Variants in RB1 observed in about 807,000 individuals in gnomAD.
RB1 encodes the protein retinoblastoma-associated protein.
A neutral mutation model predicts 135.4 loss-of-function variants in RB1; 18 were observed. That is an observed-to-expected ratio of 0.13 (90% CI 0.09 to 0.20). The LOEUF (loss-of-function observed/expected upper bound fraction) is 0.20. Ranked by LOEUF, RB1 falls within the 10% of genes least tolerant of loss-of-function variation. The probability of loss-of-function intolerance (pLI) is 1.00; values close to 1 mark genes in which losing one functional copy is unlikely to be tolerated. For synonymous variants in RB1, 365 were observed against 373.2 expected (o/e 0.98, Z 0.25); for missense variants, 868 against 1,110.0 (o/e 0.78, Z 3.10).
chr13:48,392,261 C>T (rs1346112675), intron 17 of RB1, among the ~76,000 whole-genome samples: 1 of 152,078 alleles, frequency 6.6e-6, no homozygotes, highest in Non-Finnish European at 1.5e-5. Flanking sequence ...AAGGCACATG[C>T]CACCATGCCC....
At chr13:48,308,530 G>A (rs576525457) in intron 2 of RB1, among the ~76,000 whole-genome samples, 1 of 151,536 alleles carries the variant, frequency 6.6e-6, no homozygotes, top group South Asian at 2.1e-4. Flanking sequence ...GCAGATGCCT[G>A]TAATCTCAGC....
chr13:48,399,594 C>T (rs1389496744), intron 17 of RB1, among the ~76,000 whole-genome samples: 1 of 151,860 alleles, frequency 6.6e-6, no homozygotes, highest in Non-Finnish European at 1.5e-5. Flanking sequence ...ATTAATAAGG[C>T]ATTAAATGGG....
intron 3 of RB1, among the ~76,000 whole-genome samples, chr13:48,343,178 C>T (rs1043480282): frequency 2.0e-5 from 3 of 152,020 alleles, no homozygotes; most frequent in East Asian, 1.9e-4. Flanking sequence ...TGCTACAATA[C>T]TTGAACCAGT....
At chr13:48,424,473 A>G (rs1949051552) in intron 17 of RB1, among the ~76,000 whole-genome samples, 1 of 152,238 alleles carries the variant, frequency 6.6e-6, no homozygotes, top group Admixed American at 6.5e-5. Flanking sequence ...GATGGGAATG[A>G]TGGTTGAAGC....
intron 17 of RB1, chr13:48,417,407 G>C (rs1948930507): frequency 6.6e-6 from 1 of 152,158 alleles, no homozygotes; most frequent in South Asian, 2.1e-4. Context: ...CTTCCACACA[G>C]AAACCCCATT....
chr13:48,412,378 T>C, intron 17 of RB1: 1 of 1,614,030 alleles, frequency 6.2e-7, no homozygotes, highest in Non-Finnish European at 8.5e-7. Flanking sequence ...AAAGTGTACT[T>C]AAAGGAGTCA....
intron 12 of RB1, 34 bp downstream of exon 12, chr13:48,373,526 A>C: frequency 7.4e-7 from 1 of 1,357,060 alleles, no homozygotes. Flanking sequence ...TTATTGTAAT[A>C]TCTTGGCAAA....
intron 1 of RB1, among the ~76,000 whole-genome samples, chr13:48,304,619 C>A (rs561867888): frequency 6.6e-6 from 1 of 152,024 alleles, no homozygotes; most frequent in South Asian, 2.1e-4. Context: ...AGCTTTGCGG[C>A]GTTTCCTTAG....
rs111816586 is a variant in RB1, at chr13:48,415,649, T to G, written c.1695+34206T>G. The G allele has an allele frequency of 8.5e-5, 13 of 152,288 alleles. 2 individuals carry two copies. The highest frequency in any genetic ancestry group is 3.1e-4 in the African/African-American group (13 of 41,574). 9.4% of individuals were successfully genotyped at this position (152,288 alleles called of 1,614,324 possible). ...ATGGATAGATCACTATTTGTTGAAT[T>G]AGGCTTTTCATTATTATCAGTATCA... On this transcript the variant is annotated intron_variant, in intron 17 of 26. Coordinates refer to ENST00000267163, the MANE Select transcript of RB1 (RefSeq NM_000321.3).
intron 17 of RB1, among the ~76,000 whole-genome samples, chr13:48,427,154 A>G (rs935826133): frequency 6.6e-5 from 10 of 151,808 alleles, no homozygotes; most frequent in African/African-American, 2.2e-4. Context: ...ATTGGGGAGC[A>G]CACTTCAACA....
intron 13 of RB1, among the ~76,000 whole-genome samples, chr13:48,378,376 T>C (rs969143013): frequency 6.6e-6 from 1 of 152,138 alleles, no homozygotes; most frequent in Non-Finnish European, 1.5e-5. Flanking sequence ...TTCATAAAGA[T>C]TTTTGCCAAA....
intron 2 of RB1, among the ~76,000 whole-genome samples, chr13:48,311,769 G>A (rs994158281): frequency 3.3e-5 from 5 of 152,110 alleles, no homozygotes; most frequent in South Asian, 2.1e-4. Context: ...TGCGTGGCAC[G>A]ATCTCGGCTC....
In RB1 at chr13:48,373,352, C is replaced by A; in HGVS notation, c.1128-53C>A. ...GGAGATGGAAAACATTTCATTTTTT[C>A]TTTTTTTCTCCCTTCATTGCTTAAC... On this transcript the variant is annotated intron_variant, in intron 11 of 26. Transcript: ENST00000267163. The A allele has an allele frequency of 7.3e-6, 8 of 1,094,122 alleles. No individual in the cohort carries two copies. In the South Asian group the frequency reaches 9.2e-5, roughly 13 times the overall value. 67.8% of individuals were successfully genotyped at this position (1,094,122 alleles called of 1,614,324 possible). A position where few individuals can be genotyped will look rare whatever the true frequency, so the allele number is the denominator to read the frequency against.
chr13:48,447,575 A>G (rs1266988077), intron 17 of RB1, among the ~76,000 whole-genome samples: 1 of 152,168 alleles, frequency 6.6e-6, no homozygotes, highest in Non-Finnish European at 1.5e-5. Context: ...AATTCTTAAC[A>G]TTATTAATTC....
intron 17 of RB1, among the ~76,000 whole-genome samples, chr13:48,417,713 C>T (rs1593493931): frequency 6.6e-6 from 1 of 152,194 alleles, no homozygotes; most frequent in East Asian, 1.9e-4. Context: ...AGCTGAAAAA[C>T]ACAGCACAAG....
At chr13:48,454,671 G>T (rs530204181) in intron 18 of RB1, among the ~76,000 whole-genome samples, 3 of 152,294 alleles carry the variant, frequency 2.0e-5, no homozygotes, top group Admixed American at 2.0e-4. Context: ...AGAGAGAAAC[G>T]GAGAGGCTGA....
intron 6 of RB1, among the ~76,000 whole-genome samples, chr13:48,355,837 A>G (rs34082020): frequency 6.6e-6 from 1 of 152,064 alleles, no homozygotes; most frequent in African/African-American, 2.4e-5. Flanking sequence ...CAAACATCAC[A>G]TACTCTCATT....
Position 48,319,219 on chromosome 13 carries a change from TG to T in RB1, c.264+11816del. 1 of 781,474 alleles carries T rather than the reference TG, an allele frequency of 1.3e-6. No individual in the cohort carries two copies. The highest frequency in any genetic ancestry group is 1.9e-6 in the Non-Finnish European group (1 of 514,866). The allele number at this position is 781,474 out of a possible 1,614,324, so 48.4% of individuals were successfully genotyped here. ...TTGGTGGCCACTGGCTTCCTCTAGCTGGGTGTTTTCCTGTGGGTCTCGCGCA... is the reference window on the plus strand; with the variant it reads ...TTGGTGGCCACTGGCTTCCTCTAGCTGGTGTTTTCCTGTGGGTCTCGCGCA... On this transcript the variant is annotated intron_variant, in intron 2 of 26. Transcript: ENST00000267163. The surrounding 1 kb of genome is among the most constrained non-coding windows in gnomAD (Gnocchi z 5.0).
At chr13:48,355,072 C>T (rs1283458081) in intron 6 of RB1, among the ~76,000 whole-genome samples, 1 of 151,796 alleles carries the variant, frequency 6.6e-6, no homozygotes, top group Non-Finnish European at 1.5e-5. Flanking sequence ...TAAACGAGAT[C>T]ATATCAAGTT....
Sources: allele counts gnomAD v4.1 joint callset (sites outside exome capture counted in the v4.1 genomes callset), GRCh38; gene constraint gnomAD v4.1.1; non-coding constraint Gnocchi (gnomAD v3.1); transcripts MANE v1.5; gene names NCBI Gene and HGNC (gene_info 2026-07-23, HGNC 2026-07-21).